Variants in SLC5A8 observed in about 807,000 individuals in gnomAD.
SLC5A8 encodes the protein sodium-coupled monocarboxylate transporter 1.
In SLC5A8, 55 loss-of-function variants were observed where a neutral mutation model predicts 71.9. The observed-to-expected ratio is 0.77, with a 90% confidence interval of 0.62 to 0.96. SLC5A8 has a LOEUF of 0.96. Among genes scored for constraint, SLC5A8 ranks in the 40% least tolerant of loss-of-function variants. SLC5A8 has a pLI of 0.00. For missense variants in SLC5A8, 701 were observed against 745.3 expected (o/e 0.94, Z 0.69); for synonymous variants, 307 against 276.1 (o/e 1.11, Z -1.11).
At chr12:101,165,542 C>T (rs1348720272) in intron 12 of SLC5A8, among the ~76,000 whole-genome samples, 2 of 152,138 alleles carry the variant, frequency 1.3e-5, no homozygotes, top group Non-Finnish European at 2.9e-5. Flanking sequence ...CTCAAATACG[C>T]CTCAGGCTCT....
intron 9 of SLC5A8, among the ~76,000 whole-genome samples, chr12:101,180,759 G>A (rs2137142829): frequency 6.6e-6 from 1 of 150,406 alleles, no homozygotes; most frequent in Non-Finnish European, 1.5e-5. Flanking sequence ...TCGCTATGTT[G>A]CCCAGGCTGG....
At chr12:101,189,543 GA>G (rs1868809489) in intron 6 of SLC5A8, among the ~76,000 whole-genome samples, 2 of 152,092 alleles carry the variant, frequency 1.3e-5, no homozygotes, top group South Asian at 4.1e-4. Flanking sequence ...CATGTCAGCA[GA>G]GTCAGCCTAT....
chr12:101,175,050 T>C, intron 10 of SLC5A8, among the ~76,000 whole-genome samples: 1 of 151,208 alleles, frequency 6.6e-6, no homozygotes, highest in South Asian at 2.1e-4. Flanking sequence ...CACTTGAAAC[T>C]AATGAAAAAA....
In SLC5A8 at chr12:101,156,080, C is replaced by T. The variant is rs1337845425; in HGVS notation, c.*1199G>A. 6.6e-6 allele frequency: 1 copy of T among 152,018 alleles called. No individual in the cohort carries two copies. Among genetic ancestry groups the T allele is most frequent in the Non-Finnish European group, 1.5e-5 (1 of 67,996 alleles). The allele number at this position is 152,018 out of a possible 1,614,324, so 9.4% of individuals were successfully genotyped here. A position where few individuals can be genotyped will look rare whatever the true frequency, so the allele number is the denominator to read the frequency against. On this transcript the variant is annotated 3_prime_UTR_variant, in exon 15 of 15. Coordinates refer to ENST00000536262, the MANE Select transcript of SLC5A8 (RefSeq NM_145913.5). ...GAACATAGCAAAATAAACAGCTAAGCAACTTTGAGACTGCTACTTAAAAAT... is the reference window on the plus strand; with the variant it reads ...GAACATAGCAAAATAAACAGCTAAGTAACTTTGAGACTGCTACTTAAAAAT...
At chr12:101,205,720 C>A (rs1452116758) in intron 1 of SLC5A8, among the ~76,000 whole-genome samples, 1 of 152,200 alleles carries the variant, frequency 6.6e-6, no homozygotes, top group Non-Finnish European at 1.5e-5. Flanking sequence ...ATGTTAGAGA[C>A]AAGAACACTG....
chr12:101,204,441 A>G (rs1869591250), intron 2 of SLC5A8, 59 bp downstream of exon 2: 1 of 1,415,730 alleles, frequency 7.1e-7, no homozygotes, highest in Non-Finnish European at 9.8e-7. Context: ...CTTAATCCAG[A>G]TGCCATGGTT....
intron 3 of SLC5A8, among the ~76,000 whole-genome samples, chr12:101,197,638 G>T (rs1455028225): frequency 6.6e-6 from 1 of 152,102 alleles, no homozygotes; most frequent in Non-Finnish European, 1.5e-5. Flanking sequence ...AAAAGGAATA[G>T]AAGGGAGATT....
chr12:101,164,676 G>A (rs2051752973), intron 12 of SLC5A8, among the ~76,000 whole-genome samples: 5 of 152,140 alleles, frequency 3.3e-5, no homozygotes, highest in African/African-American at 9.7e-5. Context: ...GCTCAATCCT[G>A]CTACCTGACT....
intron 10 of SLC5A8, among the ~76,000 whole-genome samples, chr12:101,172,508 C>G (rs2051839334): frequency 6.6e-6 from 1 of 152,062 alleles, no homozygotes; most frequent in Non-Finnish European, 1.5e-5. Flanking sequence ...GTCACTCTGC[C>G]CTTGTGAACA....
intron 13 of SLC5A8, among the ~76,000 whole-genome samples, chr12:101,158,640 T>A (rs1473945926): frequency 3.5e-5 from 4 of 115,322 alleles, no homozygotes; most frequent in Non-Finnish European, 3.8e-5. Context: ...ATATGTATCA[T>A]ATATATGTGT....
intron 10 of SLC5A8, among the ~76,000 whole-genome samples, chr12:101,175,957 A>G (rs768494576): frequency 8.6e-5 from 13 of 152,030 alleles, no homozygotes; most frequent in Non-Finnish European, 1.6e-4. Context: ...GAAATACCAA[A>G]CAGACAACTA....
At chr12:101,190,205 T>A (rs2137154923) in intron 6 of SLC5A8, among the ~76,000 whole-genome samples, 1 of 152,292 alleles carries the variant, frequency 6.6e-6, no homozygotes, top group South Asian at 2.1e-4. Context: ...TATATATTTA[T>A]CCCCCATGGG....
intron 10 of SLC5A8, among the ~76,000 whole-genome samples, chr12:101,175,938 C>T (rs2051875897): frequency 6.6e-6 from 1 of 151,796 alleles, no homozygotes; most frequent in Admixed American, 6.6e-5. Context: ...AGGCAGAAAA[C>T]AAAAAACAGA....
chr12:101,190,663 A>C (rs1013457963), intron 5 of SLC5A8, 55 bp from the exon 6 acceptor site: 14 of 1,512,628 alleles, frequency 9.3e-6, no homozygotes, highest in Non-Finnish European at 1.2e-5. Flanking sequence ...ACTAAAAAAA[A>C]TTCTCTTAGA....
At chr12:101,161,452 T>C (rs2051722451) in intron 13 of SLC5A8, among the ~76,000 whole-genome samples, 1 of 152,126 alleles carries the variant, frequency 6.6e-6, no homozygotes, top group Non-Finnish European at 1.5e-5. Context: ...TTTTTAAAAA[T>C]GAACACACTT....
chr12:101,195,939 C>T (rs1869158196), intron 3 of SLC5A8, among the ~76,000 whole-genome samples: 1 of 152,104 alleles, frequency 6.6e-6, no homozygotes, highest in African/African-American at 2.4e-5. Flanking sequence ...TCGTGATCCA[C>T]CTGCCTTAGC....
intron 12 of SLC5A8, 66 bp downstream of exon 12, chr12:101,166,427 CA>C: frequency 7.4e-7 from 1 of 1,360,518 alleles, no homozygotes; most frequent in Non-Finnish European, 1.0e-6. Flanking sequence ...AGACAAAAAG[CA>C]AGTGGGGTTC....
intron 8 of SLC5A8, 130 bp downstream of exon 8, chr12:101,184,004 T>G (rs1445454554): frequency 7.7e-6 from 6 of 782,602 alleles, no homozygotes; most frequent in Non-Finnish European, 1.3e-5. Context: ...AGAGGACACA[T>G]ACAGCAGATT....
At chr12:101,165,200 A>T (rs1251835833) in intron 12 of SLC5A8, among the ~76,000 whole-genome samples, 1 of 152,202 alleles carries the variant, frequency 6.6e-6, no homozygotes, top group Non-Finnish European at 1.5e-5. Context: ...TTATTAGCTG[A>T]AATATTTGAT....
Sources: gnomAD v4.1 joint callset for allele counts (sites outside exome capture counted in the v4.1 genomes callset) on GRCh38, gnomAD v4.1.1 for gene constraint, MANE v1.5 for transcripts, NCBI Gene and HGNC (gene_info 2026-07-23, HGNC 2026-07-21) for gene names.